STAT1: variants seen among roughly 807,000 people sequenced by gnomAD.
The protein encoded by STAT1 is signal transducer and activator of transcription 1.
Under a neutral mutation model 111.7 loss-of-function variants are expected in STAT1, and 24 were observed. The observed-to-expected ratio is 0.21, with a 90% CI of 0.16 to 0.30. The LOEUF is 0.30. Among genes scored for constraint, STAT1 ranks in the 10% least tolerant of loss-of-function variants. STAT1 has a pLI of 1.00. For missense variants in STAT1, 351 were observed against 911.9 expected (o/e 0.38, Z 7.92); for synonymous variants, 332 against 326.5 (o/e 1.02, Z -0.18).
Position 191,014,014 on chromosome 2 carries a change from TC to T in STAT1, c.-156+3del, listed in dbSNP as rs1695349720. ...CCGGCACCCGGAACCTCACGGCCACTCACTCTGCGCGCAGGATCCGGAAGGG... is the reference window on the plus strand; with the variant it reads ...CCGGCACCCGGAACCTCACGGCCACTACTCTGCGCGCAGGATCCGGAAGGG... On this transcript the variant is annotated splice_donor_region_variant and intron_variant, in intron 1 of 24. Coordinates refer to ENST00000361099, the MANE Select transcript of STAT1 (RefSeq NM_007315.4). The T allele has an allele frequency of 4.8e-6, 1 of 208,478 alleles. No homozygotes were observed. The highest frequency in any genetic ancestry group is 6.0e-5 in the Admixed American group (1 of 16,800). The allele number at this position is 208,478 out of a possible 1,614,324, so 12.9% of individuals were successfully genotyped here.
rs191369573 is a variant in STAT1, at chr2:190,973,695, C to A, written c.2238+1135G>T. Among the ~76,000 whole-genome samples, 1 of 152,334 alleles carries A rather than the reference C, an allele frequency of 6.6e-6. No homozygotes were observed. Among genetic ancestry groups the A allele is most frequent in the East Asian group, 1.9e-4 (1 of 5,192 alleles). ...TTACATGCAGAAAAGGTTCATTTTA[C>A]ACTTGCCAATAGGAATGAAACTATT... is the stretch of plus-strand genomic sequence containing the variant. On this transcript the variant is annotated intron_variant, in intron 24 of 24. Transcript: ENST00000361099. This position sits in a 1 kb window ranked among gnomAD's most constrained non-coding sequence, Gnocchi z 4.4.
rs1694009585 is a variant in STAT1, at chr2:190,998,451, A to C, written c.542-143T>G. 1 of 716,646 alleles carries C rather than the reference A, an allele frequency of 1.4e-6. No homozygotes were observed. The highest frequency in any genetic ancestry group is 1.8e-5 in the African/African-American group (1 of 56,136). The allele number at this position is 716,646 out of a possible 1,614,324, so 44.4% of individuals were successfully genotyped here. A position where few individuals can be genotyped will look rare whatever the true frequency, so the allele number is the denominator to read the frequency against. On this transcript the variant is annotated intron_variant, in intron 7 of 24. Coordinates refer to ENST00000361099, the MANE Select transcript of STAT1 (RefSeq NM_007315.4). This position sits in a 1 kb window ranked among gnomAD's most constrained non-coding sequence, Gnocchi z 4.1. ...TGGCTTTCTTCGATCTTTAATGAACATGAAAAAAAGTCCTAAGTATAACAA... is the reference window on the plus strand; with the variant it reads ...TGGCTTTCTTCGATCTTTAATGAACCTGAAAAAAAGTCCTAAGTATAACAA...
chr2:191,006,116 T>C lies in STAT1; in HGVS notation c.372+1447A>G, dbSNP rs1004790987. ...GCTTGCAGCTGGGGGAAACAGGTTGTCCTTCTGCCCATCTTTGCTCCTGGC... is the reference window on the plus strand; with the variant it reads ...GCTTGCAGCTGGGGGAAACAGGTTGCCCTTCTGCCCATCTTTGCTCCTGGC... On this transcript the variant is annotated intron_variant, in intron 5 of 24. Coordinates refer to ENST00000361099, the MANE Select transcript of STAT1 (RefSeq NM_007315.4). This position sits in a 1 kb window ranked among gnomAD's most constrained non-coding sequence, Gnocchi z 4.6. Among the ~76,000 whole-genome samples the C allele has an allele frequency of 2.0e-5, 3 of 152,244 alleles. No homozygotes were observed. Among genetic ancestry groups the C allele is most frequent in the Non-Finnish European group, 4.4e-5 (3 of 68,042 alleles).
At position 190,970,781 on chromosome 2, in the gene STAT1, T is replaced by C. The variant is rs1347822562; in HGVS notation, c.2239-64A>G. The C allele has an allele frequency of 3.4e-6, 5 of 1,452,234 alleles. No individual in the cohort carries two copies. The highest frequency in any genetic ancestry group is 1.7e-5 in the Admixed American group (1 of 59,764). The allele number at this position is 1,452,234 out of a possible 1,614,324, so 90.0% of individuals were successfully genotyped here. A position where few individuals can be genotyped will look rare whatever the true frequency, so the allele number is the denominator to read the frequency against. ...ATCTTGTGAAATGCAGACTCATACA[T>C]TAAACATTGCTTGTCTATTCTAGAA... is the stretch of plus-strand genomic sequence containing the variant. On this transcript the variant is annotated intron_variant, in intron 24 of 24. Coordinates refer to ENST00000361099, the MANE Select transcript of STAT1 (RefSeq NM_007315.4). The surrounding 1 kb of genome is among the most constrained non-coding windows in gnomAD (Gnocchi z 5.4).
rs1274693506 is a variant in STAT1, at chr2:190,984,730, G to A, written c.1264-337C>T. ...CTGCACATCTCAATGCAGATGGGTG[G>A]GGAGAAGGTGAGAGGACTGGGAGTA... is the stretch of plus-strand genomic sequence containing the variant. On this transcript the variant is annotated intron_variant, in intron 15 of 24. Coordinates refer to ENST00000361099, the MANE Select transcript of STAT1 (RefSeq NM_007315.4). The surrounding 1 kb of genome is among the most constrained non-coding windows in gnomAD (Gnocchi z 5.2). Among the ~76,000 whole-genome samples the A allele has an allele frequency of 6.6e-6, 1 of 152,224 alleles. No individual in the cohort carries two copies. Among genetic ancestry groups the A allele is most frequent in the East Asian group, 1.9e-4 (1 of 5,198 alleles).
At position 190,974,584 on chromosome 2, in the gene STAT1, T is replaced by C. The variant is rs1691754094; in HGVS notation, c.2238+246A>G. Among the ~76,000 whole-genome samples the C allele has an allele frequency of 6.6e-6, 1 of 152,244 alleles. No homozygotes were observed. The highest frequency in any genetic ancestry group is 1.5e-5 in the Non-Finnish European group (1 of 68,048). On this transcript the variant is annotated intron_variant, in intron 24 of 24. Transcript: ENST00000361099. This position sits in a 1 kb window ranked among gnomAD's most constrained non-coding sequence, Gnocchi z 4.8. Reference sequence around the variant, plus strand: ...ACTTTAAAGGGGAGAGGAGGAAACCTGAATATTAGAAATGTCACTTGTTTT... The same window carrying C: ...ACTTTAAAGGGGAGAGGAGGAAACCCGAATATTAGAAATGTCACTTGTTTT...
At position 190,983,264 on chromosome 2, in the gene STAT1, T is replaced by A. The variant is rs1054774326; in HGVS notation, c.1446+378A>T. Among the ~76,000 whole-genome samples the A allele has an allele frequency of 6.6e-6, 1 of 152,240 alleles. No individual in the cohort carries two copies. The highest frequency in any genetic ancestry group is 1.5e-5 in the Non-Finnish European group (1 of 68,040). On this transcript the variant is annotated intron_variant, in intron 17 of 24. Transcript: ENST00000361099. This position sits in a 1 kb window ranked among gnomAD's most constrained non-coding sequence, Gnocchi z 5.7. ...AACAATTCATTATTTGCTAGTTAAG[T>A]GTTCCTGGTGACTTTAAAAAACATA...
At position 190,974,767 on chromosome 2, in the gene STAT1, G is replaced by A. The variant is rs939899302; in HGVS notation, c.2238+63C>T. On this transcript the variant is annotated intron_variant, in intron 24 of 24. Transcript: ENST00000361099. This position sits in a 1 kb window ranked among gnomAD's most constrained non-coding sequence, Gnocchi z 4.8. ...ACAGGCCCGGGATCTGCCATGGTGCGCTCCCTGCCTCTGAGCACACACACT... is the reference window on the plus strand; with the variant it reads ...ACAGGCCCGGGATCTGCCATGGTGCACTCCCTGCCTCTGAGCACACACACT... The A allele has an allele frequency of 5.2e-5, 75 of 1,430,972 alleles. No individual in the cohort carries two copies. The highest frequency in any genetic ancestry group is 1.6e-4 in the East Asian group (7 of 43,894). 88.6% of individuals were successfully genotyped at this position (1,430,972 alleles called of 1,614,324 possible). A position where few individuals can be genotyped will look rare whatever the true frequency, so the allele number is the denominator to read the frequency against.
In STAT1 at chr2:191,009,128, A is replaced by T. The variant is rs116156197; in HGVS notation, c.129-21T>A. The T allele has an allele frequency of 1.6e-4, 255 of 1,613,892 alleles. No homozygotes were observed. The African/African-American group carries it at 2.6e-3, about 16-fold the overall frequency. Reference sequence around the variant, plus strand: ...GCTCCCTAGGAGATTTAACATTTACACATTTCATTCTAGAACTAAATGTCT... The same window carrying T: ...GCTCCCTAGGAGATTTAACATTTACTCATTTCATTCTAGAACTAAATGTCT... On this transcript the variant is annotated intron_variant, in intron 3 of 24. Coordinates refer to ENST00000361099, the MANE Select transcript of STAT1 (RefSeq NM_007315.4).
In STAT1 at chr2:190,997,889, G is replaced by A. The variant is rs778254943; in HGVS notation, c.752C>T (p.Pro251Leu). The change falls in exon 9 of 25, where the codon CCG (proline) becomes CTG (leucine). Residue 251 changes from proline to leucine, a missense_variant. Physicochemically the swap from Pro to Leu is moderately conservative, Grantham distance 98. Coordinates refer to ENST00000361099, the MANE Select transcript of STAT1 (RefSeq NM_007315.4). This position sits in a 1 kb window ranked among gnomAD's most constrained non-coding sequence, Gnocchi z 7.3. ...RRQQSACIGG[P>L]PNACLDQLQN... is the part of the protein sequence containing the mutation. ...CAGCTGATCCAAGCAAGCATTGGGC[G>A]GCCCCCCAATACAGGCGCTCTGCTG... is the stretch of plus-strand genomic sequence containing the variant. 2.5e-6 allele frequency: 4 copies of A among 1,614,186 alleles called. No homozygotes were observed. The highest frequency in any genetic ancestry group is 1.3e-5 in the African/African-American group (1 of 75,032).
Position 190,980,563 on chromosome 2 carries a change from G to C in STAT1, c.1632+57C>G, listed in dbSNP as rs569900393. Reference sequence around the variant, plus strand: ...GTAACTATCACAGCAAGAAACATGAGAACCTCAACCAAGAGCAAAAAGGAC... The same window carrying C: ...GTAACTATCACAGCAAGAAACATGACAACCTCAACCAAGAGCAAAAAGGAC... On this transcript the variant is annotated intron_variant, in intron 19 of 24. Transcript: ENST00000361099. This position sits in a 1 kb window ranked among gnomAD's most constrained non-coding sequence, Gnocchi z 6.1. 1 of 1,566,448 alleles carries C rather than the reference G, an allele frequency of 6.4e-7. No individual in the cohort carries two copies. The highest frequency in any genetic ancestry group is 8.8e-7 in the Non-Finnish European group (1 of 1,136,494).
chr2:190,987,730 C>T lies in STAT1; in HGVS notation c.1098-662G>A, dbSNP rs45594132. 2.8e-3 allele frequency among the ~76,000 whole-genome samples: 423 copies of T among 152,286 alleles called. 1 individual carries two copies. The highest frequency in any genetic ancestry group is 4.6e-3 in the Non-Finnish European group (313 of 68,020). On this transcript the variant is annotated intron_variant, in intron 12 of 24. Coordinates refer to ENST00000361099, the MANE Select transcript of STAT1 (RefSeq NM_007315.4). This position sits in a 1 kb window ranked among gnomAD's most constrained non-coding sequence, Gnocchi z 4.0. ...TCTGGCCAAATAATGTATCCGTGAGCGTCCTAGATGTAGACTAGAAATCAT... is the reference window on the plus strand; with the variant it reads ...TCTGGCCAAATAATGTATCCGTGAGTGTCCTAGATGTAGACTAGAAATCAT...
In STAT1 at chr2:191,008,070, C is replaced by A. The variant is rs1048843171; in HGVS notation, c.274-409G>T. 2.3e-5 allele frequency: 10 copies of A among 442,684 alleles called. 1 individual carries two copies. The highest frequency in any genetic ancestry group is 1.3e-4 in the South Asian group (8 of 61,844). 27.4% of individuals were successfully genotyped at this position (442,684 alleles called of 1,614,324 possible). ...AGCTTTGAACTAGACCAAAGATATT[C>A]ATCTAGGGTTTTCTGTTGCCATTGT... On this transcript the variant is annotated intron_variant, in intron 4 of 24. Transcript: ENST00000361099.
In STAT1 at chr2:190,982,983, A is replaced by G. The variant is rs1692503121; in HGVS notation, c.1447-465T>C. On this transcript the variant is annotated intron_variant, in intron 17 of 24. Transcript: ENST00000361099. The surrounding 1 kb of genome is among the most constrained non-coding windows in gnomAD (Gnocchi z 7.3). Reference sequence around the variant, plus strand: ...AAATGGTGCCCGAGCATAGTACCACAGTGTGGTCTACTGTTCCTAAGCATG... The same window carrying G: ...AAATGGTGCCCGAGCATAGTACCACGGTGTGGTCTACTGTTCCTAAGCATG... Among the ~76,000 whole-genome samples the G allele has an allele frequency of 6.6e-6, 1 of 152,212 alleles. No homozygotes were observed. Among genetic ancestry groups the G allele is most frequent in the Non-Finnish European group, 1.5e-5 (1 of 68,032 alleles).
Position 190,975,617 on chromosome 2 carries a change from G to A in STAT1, c.2135+195C>T. 7.0e-7 allele frequency: 1 copy of A among 1,428,306 alleles called. No homozygotes were observed. Among genetic ancestry groups the A allele is most frequent in the Non-Finnish European group, 9.1e-7 (1 of 1,095,224 alleles). 88.5% of individuals were successfully genotyped at this position (1,428,306 alleles called of 1,614,324 possible). The stretch of plus-strand genomic sequence containing the variant: ...ATTTATATACCTTAAATACAAATTT[G>A]GTTTTTGGCTTTTTTTTTTTTTTTA... On this transcript the variant is annotated intron_variant, in intron 23 of 24. Transcript: ENST00000361099. The surrounding 1 kb of genome is among the most constrained non-coding windows in gnomAD (Gnocchi z 5.9).
chr2:190,972,294 T>C (rs1405739220), intron 24 of STAT1, among the ~76,000 whole-genome samples: 1 of 152,254 alleles, frequency 6.6e-6, no homozygotes, highest in Non-Finnish European at 1.5e-5. Context: ...AGTCCTATCA[T>C]TATGAGCTTT....
At chr2:191,002,269 A>G (rs528742917) in intron 5 of STAT1, among the ~76,000 whole-genome samples, 2 of 152,304 alleles carry the variant, frequency 1.3e-5, no homozygotes, top group African/African-American at 4.8e-5. Context: ...CATTTACTGA[A>G]AAGTCCATTA....
In STAT1 at chr2:190,987,046, C is replaced by G. The variant is rs779761023; in HGVS notation, c.1120G>C (p.Val374Leu). The G allele has an allele frequency of 6.8e-6, 11 of 1,610,254 alleles. 2 individuals are homozygous for G. In the South Asian group the frequency reaches 1.1e-4, roughly 16 times the overall value. The change falls in exon 13 of 25, where the codon GTA (valine) becomes CTA (leucine). Residue 374 changes from valine (V) to leucine (L), a missense_variant. Around this residue, in one of 7 missense-constraint regions of STAT1, gnomAD observed 23 missense variants for 123.1 expected, o/e 0.19. Coordinates refer to ENST00000361099, the MANE Select transcript of STAT1 (RefSeq NM_007315.4). The surrounding 1 kb of genome is among the most constrained non-coding windows in gnomAD (Gnocchi z 4.0). The stretch of plus-strand genomic sequence containing the variant: ...GTAAAGTACGTCACGTACCCTTTTA[C>G]TGTATTTCTCTCATTCACATCTCTG... ...FDKDVNERNT[V>L]KGFRKFNILG...
rs982516081 is a variant in STAT1, at chr2:190,974,000, C to T, written c.2238+830G>A. ...TGAGCACCTACTTTTTGCCAGGCAC[C>T]GGGTATACAGTAAGGAAGAAAGGCC... On this transcript the variant is annotated intron_variant, in intron 24 of 24. Coordinates refer to ENST00000361099, the MANE Select transcript of STAT1 (RefSeq NM_007315.4). This position sits in a 1 kb window ranked among gnomAD's most constrained non-coding sequence, Gnocchi z 4.4. Among the ~76,000 whole-genome samples the T allele has an allele frequency of 1.5e-4, 23 of 152,014 alleles. No homozygotes were observed. The highest frequency in any genetic ancestry group is 5.3e-4 in the African/African-American group (22 of 41,372).
Sources: allele counts gnomAD v4.1 joint callset (sites outside exome capture counted in the v4.1 genomes callset), GRCh38; gene constraint gnomAD v4.1.1; regional missense constraint gnomAD v4.1.1; non-coding constraint Gnocchi (gnomAD v3.1); transcripts MANE v1.5; gene names NCBI Gene and HGNC (gene_info 2026-07-23, HGNC 2026-07-21).